Variants in IFT74 observed in about 807,000 individuals in gnomAD.
IFT74 encodes the protein intraflagellar transport 74, also known as intraflagellar transport protein 74 homolog.
In IFT74, 92 loss-of-function variants were observed where a neutral mutation model predicts 96.7. That is an observed-to-expected ratio of 0.95 (90% CI 0.80 to 1.13). The LOEUF (loss-of-function observed/expected upper bound fraction) is 1.13. IFT74 is among the 50% of genes most tolerant of loss of function. The probability of loss-of-function intolerance (pLI) is 0.00; values close to 1 mark genes in which losing one functional copy is unlikely to be tolerated. For synonymous variants in IFT74, 223 were observed against 213.2 expected (o/e 1.05, Z -0.40); for missense variants, 811 against 698.2 (o/e 1.16, Z -1.82).
At chr9:27,016,845 C>A in intron 10 of IFT74, 62 bp from the exon 11 acceptor site, 2 of 1,336,846 alleles carry the variant, frequency 1.5e-6, no homozygotes, top group Non-Finnish European at 2.0e-6. Flanking sequence ...AAACTGAAAC[C>A]TATTTTAGAA....
intron 6 of IFT74, among the ~76,000 whole-genome samples, chr9:26,988,343 C>T (rs1044848368): frequency 1.1e-4 from 17 of 152,256 alleles, no homozygotes; most frequent in Middle Eastern, 3.4e-3. Flanking sequence ...CCAAAACTCT[C>T]GTCTGTTCCA....
At chr9:27,040,544 C>CAAAAAAAAAAAAAAAAAAAAAAAAAAA (rs751893169) in intron 13 of IFT74, among the ~76,000 whole-genome samples, 5 of 62,074 alleles carry the variant, frequency 8.1e-5, no homozygotes, top group African/African-American at 2.8e-4. Context: ...GACACTGTCT[C>CAAAAAAAAAAAAAAAAAAAAAAAAAAA]AAAAAAAAAA....
intron 1 of IFT74, among the ~76,000 whole-genome samples, chr9:26,948,551 C>A (rs984378636): frequency 7.0e-6 from 1 of 143,334 alleles, no homozygotes; most frequent in African/African-American, 2.6e-5. Flanking sequence ...TCACTGCAAC[C>A]CTCGCCTCCC....
At chr9:26,999,767 A>ATTTTTTTTT in intron 8 of IFT74, 1 of 457,786 alleles carries the variant, frequency 2.2e-6, no homozygotes. Context: ...GAATCTGTTT[A>ATTTTTTTTT]TTCTTTTTTT....
intron 16 of IFT74, among the ~76,000 whole-genome samples, chr9:27,054,029 G>A (rs1026412355): frequency 1.5e-4 from 23 of 152,006 alleles, no homozygotes; most frequent in African/African-American, 5.1e-4. Flanking sequence ...AGTGTATGTC[G>A]CTGTGGTTGA....
chr9:26,992,412 G>C (rs978783908), intron 8 of IFT74, among the ~76,000 whole-genome samples: 41 of 152,238 alleles, frequency 2.7e-4, no homozygotes, highest in African/African-American at 8.9e-4. Context: ...ACAACAATTG[G>C]CCAGGTGCAG....
In IFT74 at chr9:26,998,251, C is replaced by T. The variant is rs12350899; in HGVS notation, c.587+8056C>T. ...AATTACATTGGACTTCCTAGAAAAA[C>T]AAAAAAAAGAAAGGCATTAATCAGA... On this transcript the variant is annotated intron_variant, in intron 8 of 19. Coordinates refer to ENST00000380062, the MANE Select transcript of IFT74 (RefSeq NM_025103.4). The T allele has an allele frequency of 5.2e-3, 7,026 of 1,363,694 alleles. 308 individuals are homozygous for T. The African/African-American group carries it at 0.093, about 18-fold the overall frequency. The allele number at this position is 1,363,694 out of a possible 1,614,324, so 84.5% of individuals were successfully genotyped here. A position where few individuals can be genotyped will look rare whatever the true frequency, so the allele number is the denominator to read the frequency against.
At chr9:27,052,856 ATGT>A (rs147019396) in intron 16 of IFT74, among the ~76,000 whole-genome samples, 1,982 of 151,550 alleles carry the variant, frequency 0.013, 39 homozygotes, top group African/African-American at 0.044. Context: ...AGTGTACTCC[ATGT>A]TGTTGTTGTT....
rs542824922 is a variant in IFT74 at position 27,028,846 on chromosome 9, A to T, written c.975-179A>T. ...TAGGATATGCTATTTTTCGATATTTATGCAATTTGTAAAAGATATCCTAAT... is the reference window on the plus strand; with the variant it reads ...TAGGATATGCTATTTTTCGATATTTTTGCAATTTGTAAAAGATATCCTAAT... On this transcript the variant is annotated intron_variant, in intron 12 of 19. Transcript: ENST00000380062. 1.8e-4 allele frequency: 88 copies of T among 493,962 alleles called. No individual in the cohort carries two copies. In the East Asian group the frequency reaches 2.5e-3, roughly 14 times the overall value. 30.6% of individuals were successfully genotyped at this position (493,962 alleles called of 1,614,324 possible). A position where few individuals can be genotyped will look rare whatever the true frequency, so the allele number is the denominator to read the frequency against.
intron 9 of IFT74, among the ~76,000 whole-genome samples, chr9:27,011,459 T>C (rs1407424337): frequency 1.3e-5 from 2 of 152,206 alleles, no homozygotes; most frequent in East Asian, 1.9e-4. Flanking sequence ...ATGTGTTATA[T>C]GTGTGTGTAC....
chr9:27,010,240 C>T (rs1000031772), intron 9 of IFT74, among the ~76,000 whole-genome samples: 1 of 152,052 alleles, frequency 6.6e-6, no homozygotes, highest in Non-Finnish European at 1.5e-5. Flanking sequence ...CCGCCTGCCT[C>T]GGCCTCCCAA....
At chr9:26,955,887 A>T (rs1018191187), upstream of IFT74, 3 of 151,516 alleles carry the variant, frequency 2.0e-5, no homozygotes, top group Non-Finnish European at 2.9e-5. Flanking sequence ...AGTCTTCCCC[A>T]CAAACTTGGA....
rs780954717 is a variant in IFT74, at chr9:26,961,917, A to G, written c.-19-32A>G. On this transcript the variant is annotated intron_variant, in intron 1 of 19. Transcript: ENST00000380062. The stretch of plus-strand genomic sequence containing the variant: ...TTATTGTCTTGCTAGAGAAGACATC[A>G]AAGGATTGAACTATTTATTGTTTCC... 4 of 1,609,688 alleles carry G rather than the reference A, an allele frequency of 2.5e-6. No individual in the cohort carries two copies. In the South Asian group the frequency reaches 4.4e-5, roughly 18 times the overall value.
chr9:26,972,537 CAG>C (rs1826924231), intron 2 of IFT74, among the ~76,000 whole-genome samples: 1 of 152,166 alleles, frequency 6.6e-6, no homozygotes, highest in Admixed American at 6.5e-5. Flanking sequence ...AGGGCTAGAA[CAG>C]GGGCAGTTAT....
intron 12 of IFT74, among the ~76,000 whole-genome samples, chr9:27,022,937 C>T (rs1227297274): frequency 2.0e-5 from 3 of 152,178 alleles, no homozygotes; most frequent in East Asian, 1.9e-4. Context: ...CGCGCCCGAC[C>T]GAGTTCTTGA....
intron 10 of IFT74, among the ~76,000 whole-genome samples, chr9:27,015,034 T>C (rs1262669398): frequency 1.3e-5 from 2 of 152,356 alleles, no homozygotes; most frequent in Non-Finnish European, 1.5e-5. Context: ...GTCATGCTTA[T>C]TCAGTTCACA....
chr9:27,053,114 C>T (rs1423145266), intron 16 of IFT74, among the ~76,000 whole-genome samples: 2 of 146,814 alleles, frequency 1.4e-5, no homozygotes, highest in Admixed American at 6.9e-5. Flanking sequence ...CCGCCCGCCT[C>T]GGCCTCCCAA....
chr9:27,062,969 A>T lies in IFT74; in HGVS notation c.*233A>T. 2 of 420,254 alleles carry T rather than the reference A, an allele frequency of 4.8e-6. No individual in the cohort carries two copies. The highest frequency in any genetic ancestry group is 8.4e-6 in the Non-Finnish European group (2 of 238,484). The allele number at this position is 420,254 out of a possible 1,614,324, so 26.0% of individuals were successfully genotyped here. A position where few individuals can be genotyped will look rare whatever the true frequency, so the allele number is the denominator to read the frequency against. ...TTCTTTTTATGCTACTTGTATTTGA[A>T]CCAAGAGATAAAGAAACTAAAAGTG... On this transcript the variant is annotated 3_prime_UTR_variant, in exon 20 of 20. Coordinates refer to ENST00000380062, the MANE Select transcript of IFT74 (RefSeq NM_025103.4).
At chr9:26,982,272 C>CTT (rs58933452) in intron 4 of IFT74, 2 of 313,550 alleles carry the variant, frequency 6.4e-6, no homozygotes, top group Non-Finnish European at 1.3e-5. Context: ...AGCTTTTTTT[C>CTT]TTTTTTTTTT....
Sources: allele counts gnomAD v4.1 joint callset (sites outside exome capture counted in the v4.1 genomes callset), GRCh38; gene constraint gnomAD v4.1.1; transcripts MANE v1.5; gene names NCBI Gene and HGNC (gene_info 2026-07-23, HGNC 2026-07-21).